The following DSE variants were observed in gnomAD, a reference collection of about 807,000 sequenced individuals.
DSE encodes the protein dermatan sulfate epimerase, also known as dermatan-sulfate epimerase.
A neutral mutation model predicts 84.4 loss-of-function variants in DSE; 36 were observed. The observed-to-expected ratio is 0.43, with a 90% CI of 0.33 to 0.56. The LOEUF (loss-of-function observed/expected upper bound fraction) is 0.56, where lower values mean the gene tolerates loss of function less well. Among genes scored for constraint, DSE ranks in the 20% least tolerant of loss-of-function variants. DSE has a pLI of 0.06. For synonymous variants in DSE, 410 were observed against 430.1 expected, an observed-to-expected ratio of 0.95 and a Z score of 0.58; for missense variants, 862 against 1,169.6, an observed-to-expected ratio of 0.74 and a Z score of 3.84.
Position 116,323,223 on chromosome 6 carries a change from A to C in DSE, c.-54+64256A>C, listed in dbSNP as rs181316256. Among the ~76,000 whole-genome samples, 4 of 152,360 alleles carry C rather than the reference A, an allele frequency of 2.6e-5. No individual in the cohort carries two copies. In the East Asian group the frequency reaches 7.7e-4, roughly 29 times the overall value. On this transcript the variant is annotated intron_variant, in intron 2 of 3. Coordinates refer to the DSE transcript ENST00000430252. ...CAGCTTTTAAACAGATTTCTTTAAA[A>C]TATGTATTTTTTTCAGTTGTAGCAA...
intron 1 of DSE, among the ~76,000 whole-genome samples, chr6:116,381,162 G>T (rs1159916708): frequency 6.6e-6 from 1 of 152,154 alleles, no homozygotes; most frequent in Non-Finnish European, 1.5e-5. Flanking sequence ...TATGGATGGA[G>T]TTGCCAAGAA....
At chr6:116,418,741 G>A (rs1487056383) in intron 2 of DSE, among the ~76,000 whole-genome samples, 12 of 152,118 alleles carry the variant, frequency 7.9e-5, no homozygotes, top group Non-Finnish European at 1.3e-4. Context: ...CTTTGAAAGC[G>A]CCGTTCTTCC....
intron 2 of DSE, among the ~76,000 whole-genome samples, chr6:116,364,368 C>G (rs1455446771): frequency 6.6e-6 from 1 of 152,206 alleles, no homozygotes; most frequent in African/African-American, 2.4e-5. Flanking sequence ...AAACATGTCA[C>G]TAGACTACAT....
rs919174474 is a variant in DSE, at chr6:116,442,397, A to G, written c.*5052A>G. 1 of 152,150 alleles carries G rather than the reference A, an allele frequency of 6.6e-6. No homozygotes were observed. Among genetic ancestry groups the G allele is most frequent in the South Asian group, 2.1e-4 (1 of 4,826 alleles). 9.4% of individuals were successfully genotyped at this position (152,150 alleles called of 1,614,324 possible). On this transcript the variant is annotated 3_prime_UTR_variant, in exon 6 of 6. Coordinates refer to ENST00000644252, the MANE Select transcript of DSE (RefSeq NM_013352.4). ...AGGTTGTTTTAGCCATGTTAAGTTT[A>G]AGATACTTTCTAAAAATCCAAGTGG... is the stretch of plus-strand genomic sequence containing the variant.
chr6:116,384,342 A>T (rs1459182277), intron 1 of DSE, among the ~76,000 whole-genome samples: 1 of 152,192 alleles, frequency 6.6e-6, no homozygotes, highest in East Asian at 1.9e-4. Flanking sequence ...CTATCCTTGG[A>T]ATGTCAGGAA....
intron 1 of DSE, among the ~76,000 whole-genome samples, chr6:116,393,670 A>G (rs1479368348): frequency 1.3e-5 from 2 of 152,216 alleles, no homozygotes; most frequent in Non-Finnish European, 2.9e-5. Flanking sequence ...GCTGAGATTT[A>G]TGCTCTTGTC....
chr6:116,260,892 A>G (rs181969042), intron 2 of DSE, among the ~76,000 whole-genome samples: 2 of 152,186 alleles, frequency 1.3e-5, no homozygotes, highest in South Asian at 2.1e-4. Context: ...GTAGCCCTGT[A>G]TTATTGTTTG....
intron 2 of DSE, among the ~76,000 whole-genome samples, chr6:116,344,253 G>A (rs1777803069): frequency 6.6e-6 from 1 of 152,112 alleles, no homozygotes. Context: ...AGCAAGGCAG[G>A]CCAACATTCA....
Position 116,371,027 on chromosome 6 carries a change from C to A in DSE, c.-148C>A, listed in dbSNP as rs921701104. The A allele has an allele frequency of 1.9e-4, 183 of 985,602 alleles. No homozygotes were observed. Among genetic ancestry groups the A allele is most frequent in the Non-Finnish European group, 2.1e-4 (178 of 830,236 alleles). 61.1% of individuals were successfully genotyped at this position (985,602 alleles called of 1,614,324 possible). A position where few individuals can be genotyped will look rare whatever the true frequency, so the allele number is the denominator to read the frequency against. Reference sequence around the variant, plus strand: ...GCGGAGGGCTCGGTTCGGAGGGGGCCGGGAGCCCGGGCGCCCTGGAGTGAG... The same window carrying A: ...GCGGAGGGCTCGGTTCGGAGGGGGCAGGGAGCCCGGGCGCCCTGGAGTGAG... On this transcript the variant is annotated 5_prime_UTR_variant, in exon 1 of 6. Coordinates refer to ENST00000644252, the MANE Select transcript of DSE (RefSeq NM_013352.4).
chr6:116,402,171 TG>T (rs772227928), intron 2 of DSE, among the ~76,000 whole-genome samples: 1 of 152,174 alleles, frequency 6.6e-6, no homozygotes, highest in African/African-American at 2.4e-5. Context: ...GTACAAACAT[TG>T]GGTTCTTAAA....
intron 2 of DSE, among the ~76,000 whole-genome samples, chr6:116,358,168 C>G (rs1031921376): frequency 6.6e-6 from 1 of 152,192 alleles, no homozygotes; most frequent in African/African-American, 2.4e-5. Context: ...AATTCCTGAT[C>G]ATGAGTCTCT....
chr6:116,272,600 T>C (rs1772930873), intron 2 of DSE, among the ~76,000 whole-genome samples: 1 of 152,184 alleles, frequency 6.6e-6, no homozygotes, highest in Non-Finnish European at 1.5e-5. Context: ...TTGAATCAAT[T>C]TGACAAAACT....
chr6:116,369,967 G>A (rs1463096248), upstream of DSE: 5 of 1,288,262 alleles, frequency 3.9e-6, no homozygotes, highest in Non-Finnish European at 4.0e-6. Flanking sequence ...TACAATCTAG[G>A]TCTGGTAGGT....
intron 2 of DSE, among the ~76,000 whole-genome samples, chr6:116,410,829 CT>C (rs1782305495): frequency 6.7e-6 from 1 of 150,084 alleles, no homozygotes; most frequent in African/African-American, 2.5e-5. Flanking sequence ...TCAAGTAGGC[CT>C]TTGGTGTTTA....
intron 2 of DSE, among the ~76,000 whole-genome samples, chr6:116,301,400 C>T (rs968946187): frequency 2.0e-5 from 3 of 152,118 alleles, no homozygotes; most frequent in Non-Finnish European, 2.9e-5. Flanking sequence ...AGGGAGGTTC[C>T]GTCTGCTCAG....
At chr6:116,369,233 G>A (rs1312320517), upstream of DSE, among the ~76,000 whole-genome samples, 1 of 152,202 alleles carries the variant, frequency 6.6e-6, no homozygotes, top group African/African-American at 2.4e-5. Context: ...AAAGTTCTAG[G>A]TTGGAGAATC....
At chr6:116,326,545 C>A (rs1420127833) in intron 2 of DSE, among the ~76,000 whole-genome samples, 1 of 151,990 alleles carries the variant, frequency 6.6e-6, no homozygotes, top group Non-Finnish European at 1.5e-5. Context: ...TTATCCCATG[C>A]TGCGGCACCA....
At chr6:116,384,134 G>A (rs1780430363) in intron 1 of DSE, among the ~76,000 whole-genome samples, 1 of 152,184 alleles carries the variant, frequency 6.6e-6, no homozygotes, top group African/African-American at 2.4e-5. Context: ...ATGGGGACAT[G>A]AGGGAATCAC....
At chr6:116,330,364 G>A (rs935719529) in intron 2 of DSE, among the ~76,000 whole-genome samples, 1 of 152,048 alleles carries the variant, frequency 6.6e-6, no homozygotes, top group Non-Finnish European at 1.5e-5. Context: ...CAGGCATCAA[G>A]TACCTAGCTA....
Sources: gnomAD v4.1 joint callset for allele counts (sites outside exome capture counted in the v4.1 genomes callset) on GRCh38, gnomAD v4.1.1 for gene constraint, MANE v1.5 for transcripts, NCBI Gene and HGNC (gene_info 2026-07-23, HGNC 2026-07-21) for gene names.